CROCC2: variants seen among roughly 807,000 people sequenced by gnomAD.
CROCC2 encodes ciliary rootlet coiled-coil, rootletin family member 2.
Under a neutral mutation model 177.6 loss-of-function variants are expected in CROCC2, and 163 were observed. The observed-to-expected ratio is 0.92, with a 90% CI of 0.81 to 1.05. The LOEUF is 1.05. Among genes scored for constraint, CROCC2 ranks in the 50% least tolerant of loss-of-function variants. The probability of loss-of-function intolerance (pLI) is 0.00; values close to 1 mark genes in which losing one functional copy is unlikely to be tolerated. For missense variants in CROCC2, 1,929 were observed against 1,797.8 expected (o/e 1.07, Z -1.32); for synonymous variants, 904 against 787.3 (o/e 1.15, Z -2.48).
At position 240,959,312 on chromosome 2, in the gene CROCC2, T is replaced by G. The variant is rs1438169216; in HGVS notation, c.2955T>G (p.Ser985Arg). 1 of 1,550,220 alleles carries G rather than the reference T, an allele frequency of 6.5e-7. No homozygotes were observed. The highest frequency in any genetic ancestry group is 8.7e-7 in the Non-Finnish European group (1 of 1,146,884). The change falls in exon 20 of 32, where the codon AGT becomes AGG. Residue 985 changes from serine (S) to arginine (R), a missense_variant. Ser to Arg is a moderately radical substitution (Grantham distance 110). Transcript: ENST00000690015. ...SQQEQAQATI[S>R]ATTEELKALQ... ...CCTTCTCCCCGCAGGCCACCATCAG[T>G]GCCACGACTGAGGAGCTGAAGGCCC...
chr2:240,944,170 A>T (rs1429493583), intron 14 of CROCC2, among the ~76,000 whole-genome samples: 1 of 152,230 alleles, frequency 6.6e-6, no homozygotes, highest in African/African-American at 2.4e-5. Flanking sequence ...TCATTGTTGC[A>T]TAGAAAGCAA....
intron 19 of CROCC2, chr2:240,956,554 C>T (rs1360141610): frequency 6.5e-6 from 1 of 153,414 alleles, no homozygotes; most frequent in Non-Finnish European, 1.5e-5. Flanking sequence ...AGAGGCCCTC[C>T]CATGCACAAA....
chr2:240,907,862 C>T (rs2059266904), intron 1 of CROCC2, among the ~76,000 whole-genome samples: 1 of 89,086 alleles, frequency 1.1e-5, no homozygotes, highest in Non-Finnish European at 2.3e-5. Flanking sequence ...TCTACCTCCT[C>T]CACCTGGGGT....
At chr2:240,967,850 C>T (rs2059693635) in intron 26 of CROCC2, among the ~76,000 whole-genome samples, 1 of 152,166 alleles carries the variant, frequency 6.6e-6, no homozygotes, top group Non-Finnish European at 1.5e-5. Flanking sequence ...CAGGCCCTGC[C>T]CCTCGTCACC....
Position 240,920,113 on chromosome 2 carries a change from G to T in CROCC2, c.360G>T (p.Arg120Ser). The T allele has an allele frequency of 1.4e-6, 1 of 699,598 alleles. No individual in the cohort carries two copies. 43.3% of individuals were successfully genotyped at this position (699,598 alleles called of 1,614,324 possible). A position where few individuals can be genotyped will look rare whatever the true frequency, so the allele number is the denominator to read the frequency against. ...CCGAGCGAGATGAGCTGGCCAGCAGGTGCCGTGTGGTCAGCGAGCAGGTGC... is the reference window on the plus strand; with the variant it reads ...CCGAGCGAGATGAGCTGGCCAGCAGTTGCCGTGTGGTCAGCGAGCAGGTGC... ...ASAERDELAS[R>S]CRVVSEQLQA... is the part of the protein sequence containing the mutation. Residue 120 changes from arginine (R) to serine (S), a missense_variant, in exon 3 of 32, where the codon AGG (arginine) becomes AGT (serine). Arg to Ser is a moderately radical substitution (Grantham distance 110). Transcript: ENST00000690015.
intron 19 of CROCC2, among the ~76,000 whole-genome samples, chr2:240,956,625 A>C (rs74000200): frequency 0.015 from 2,212 of 152,302 alleles, 50 homozygotes; most frequent in African/African-American, 0.051. Flanking sequence ...CTGGAGCCCA[A>C]GTCCAGGGGG....
intron 5 of CROCC2, among the ~76,000 whole-genome samples, chr2:240,928,902 T>C (rs1410401690): frequency 2.8e-5 from 4 of 145,196 alleles, no homozygotes; most frequent in Non-Finnish European, 4.5e-5. Context: ...CACAGAGTCA[T>C]GCCCTCCAGA....
At chr2:240,976,555 A>G (rs77819850) in intron 27 of CROCC2, among the ~76,000 whole-genome samples, 26 of 71,298 alleles carry the variant, frequency 3.6e-4, no homozygotes, top group East Asian at 9.7e-4. Context: ...TCCCTGCTCA[A>G]GCTCTGGGGT....
chr2:240,993,295 A>G lies in CROCC2; in HGVS notation c.*214A>G. On this transcript the variant is annotated 3_prime_UTR_variant, in exon 32 of 32. Transcript: ENST00000690015. ...GCCTCCGAATTTTGAATTTTAATAA[A>G]TAGTTGAATCAGCGTAGGAGATGCT... The G allele has an allele frequency of 1.8e-6, 1 of 551,584 alleles. No individual in the cohort carries two copies. 34.2% of individuals were successfully genotyped at this position (551,584 alleles called of 1,614,324 possible). A position where few individuals can be genotyped will look rare whatever the true frequency, so the allele number is the denominator to read the frequency against.
At chr2:240,925,692 C>A in intron 4 of CROCC2, 32 bp from the exon 5 acceptor site, 1 of 691,190 alleles carries the variant, frequency 1.4e-6, no homozygotes. Context: ...AGGCTTCCTA[C>A]CCCCACCATG....
chr2:240,968,179 C>A lies in CROCC2; in HGVS notation c.4318C>A (p.Leu1440Met). 6.5e-7 allele frequency: 1 copy of A among 1,531,852 alleles called. No homozygotes were observed. Among genetic ancestry groups the A allele is most frequent in the Non-Finnish European group, 8.7e-7 (1 of 1,144,242 alleles). 94.9% of individuals were successfully genotyped at this position (1,531,852 alleles called of 1,614,324 possible). ...GAGCAGCGCCCGGGCAGCACGTGCCCTGCAGAAGGAGGCGCTCCGCAGGCT... is the reference window on the plus strand; with the variant it reads ...GAGCAGCGCCCGGGCAGCACGTGCCATGCAGAAGGAGGCGCTCCGCAGGCT... The part of the protein sequence containing the change: ...ALSSARAARA[L>M]QKEALRRLEL... The change falls in exon 27 of 32, where the codon CTG (leucine) becomes ATG (methionine). Residue 1440 changes from leucine to methionine, a missense_variant. Leu to Met is a conservative substitution (Grantham distance 15, BLOSUM62 2). Coordinates refer to ENST00000690015, the MANE Select transcript of CROCC2 (RefSeq NM_001351305.2).
intron 18 of CROCC2, 152 bp from the exon 19 acceptor site, chr2:240,955,707 A>G (rs1422624141): frequency 1.7e-6 from 1 of 595,176 alleles, no homozygotes; most frequent in Non-Finnish European, 3.0e-6. Context: ...CCTCCTCCCC[A>G]GTGGCAGGGA....
chr2:240,934,215 T>A, intron 11 of CROCC2, 116 bp from the exon 12 acceptor site: 1 of 1,182,316 alleles, frequency 8.5e-7, no homozygotes, highest in Non-Finnish European at 1.2e-6. Context: ...GACTCCATGC[T>A]CCTCCTGGGC....
At chr2:240,945,313 C>T (rs903024256) in intron 14 of CROCC2, among the ~76,000 whole-genome samples, 1 of 152,188 alleles carries the variant, frequency 6.6e-6, no homozygotes, top group Admixed American at 6.5e-5. Context: ...ATGATTCGCA[C>T]GTGAGCTTCG....
chr2:240,912,025 C>T (rs1305205035), intron 1 of CROCC2, among the ~76,000 whole-genome samples: 4 of 152,174 alleles, frequency 2.6e-5, no homozygotes, highest in South Asian at 2.1e-4. Context: ...ATGGCTGGGT[C>T]GCGCGGAGAG....
chr2:240,943,700 G>A (rs1271417670), intron 14 of CROCC2, among the ~76,000 whole-genome samples: 4 of 151,970 alleles, frequency 2.6e-5, no homozygotes, highest in African/African-American at 9.7e-5. Flanking sequence ...GGTTGGTCTC[G>A]AACTCCCGAG....
rs1041006125 is a variant in CROCC2 at position 240,988,748 on chromosome 2, G to A, written c.4561G>A (p.Glu1521Lys). The change falls in exon 29 of 32, where the codon GAG becomes AAG. Residue 1521 changes from glutamate (E) to lysine (K), a missense_variant. Glu to Lys is a moderately conservative substitution (Grantham distance 56). Coordinates refer to ENST00000690015, the MANE Select transcript of CROCC2 (RefSeq NM_001351305.2). ...SLEPLRQMEQETLKREEDVAR... is the reference protein window; with the variant it reads ...SLEPLRQMEQKTLKREEDVAR... Reference sequence around the variant, plus strand: ...CCTGGGATCTCTGCAGATGGAGCAAGAGACACTGAAGAGGGAGGAGGATGT... The same window carrying A: ...CCTGGGATCTCTGCAGATGGAGCAAAAGACACTGAAGAGGGAGGAGGATGT... 4.8e-6 allele frequency: 7 copies of A among 1,465,370 alleles called. No homozygotes were observed. In the African/African-American group the frequency reaches 9.9e-5, roughly 21 times the overall value. The allele number at this position is 1,465,370 out of a possible 1,614,324, so 90.8% of individuals were successfully genotyped here.
intron 28 of CROCC2, chr2:240,986,064 C>A (rs1007475084): frequency 4.8e-6 from 2 of 420,916 alleles, no homozygotes; most frequent in Admixed American, 2.5e-5. Flanking sequence ...GGCTTCAGGG[C>A]TGGACACTGC....
At position 240,933,316 on chromosome 2, in the gene CROCC2, C is replaced by T. The variant is rs1267407415; in HGVS notation, c.1437C>T (p.Cys479=). 8 of 1,534,310 alleles carry T rather than the reference C, an allele frequency of 5.2e-6. No individual in the cohort carries two copies. Among genetic ancestry groups the T allele is most frequent in the Non-Finnish European group, 7.0e-6 (8 of 1,141,910 alleles). Residue 479 remains cysteine, a synonymous_variant, in exon 10 of 32, where the codon TGC becomes TGT. Transcript: ENST00000690015. ...CCCAGAGGCTCGAGGTGCAGCAGTG[C>T]CGGGCATCCTGCAAGCTCCTGGGGA... ...LEAQRLEVQQ[C]RASCKLLGRE...
Sources: gnomAD v4.1 joint callset for allele counts (sites outside exome capture counted in the v4.1 genomes callset) on GRCh38, gnomAD v4.1.1 for gene constraint, MANE v1.5 for transcripts, NCBI Gene and HGNC (gene_info 2026-07-23, HGNC 2026-07-21) for gene names.